Variants in ANK2 observed in about 807,000 individuals in gnomAD.
ANK2 encodes ankyrin-2.
Under a neutral mutation model 360.5 loss-of-function variants are expected in ANK2, and 83 were observed. That is an observed-to-expected ratio of 0.23 (90% CI 0.19 to 0.28). The LOEUF (loss-of-function observed/expected upper bound fraction) is 0.28. Among genes scored for constraint, ANK2 ranks in the 10% least tolerant of loss-of-function variants. The pLI, the probability that ANK2 is intolerant of heterozygous loss-of-function variation, is 1.00. For synonymous variants in ANK2, 1,740 were observed against 1,759.5 expected, an observed-to-expected ratio of 0.99 and a Z score of 0.28; for missense variants, 4,201 against 4,795.7, an observed-to-expected ratio of 0.88 and a Z score of 3.66.
At chr4:113,073,432 G>T (rs2078584019) in intron 1 of ANK2, among the ~76,000 whole-genome samples, 1 of 152,070 alleles carries the variant, frequency 6.6e-6, no homozygotes, top group African/African-American at 2.4e-5. Context: ...AGATGCACTG[G>T]GATTGTGCAG....
intron 2 of ANK2, among the ~76,000 whole-genome samples, chr4:113,181,658 G>A (rs1182026380): frequency 2.0e-5 from 3 of 152,124 alleles, no homozygotes; most frequent in African/African-American, 4.8e-5. Context: ...GGGATGGACA[G>A]AAGAAAACCT....
intron 23 of ANK2, 48 bp downstream of exon 23, chr4:113,302,887 A>G (rs1373149696): frequency 4.6e-6 from 7 of 1,513,112 alleles, no homozygotes; most frequent in African/African-American, 1.4e-5. Flanking sequence ...GTTCTTACAC[A>G]AGGGCAAATT....
At chr4:113,328,812 G>A (rs2091390864) in intron 26 of ANK2, among the ~76,000 whole-genome samples, 1 of 152,166 alleles carries the variant, frequency 6.6e-6, no homozygotes, top group Non-Finnish European at 1.5e-5. Flanking sequence ...CTGTTTAATA[G>A]CATGTTTAAT....
At chr4:113,046,230 G>A (rs975537362), upstream of ANK2, among the ~76,000 whole-genome samples, 3 of 152,010 alleles carry the variant, frequency 2.0e-5, no homozygotes, top group African/African-American at 4.8e-5. Flanking sequence ...CAATACTACC[G>A]GCACCTGTTT....
intron 1 of ANK2, among the ~76,000 whole-genome samples, chr4:112,862,407 TC>T (rs1262579521): frequency 2.0e-5 from 3 of 152,240 alleles, no homozygotes; most frequent in Non-Finnish European, 4.4e-5. Context: ...ATGTTAATCT[TC>T]TGTGTGAAGG....
At chr4:113,184,981 T>C (rs2098488379) in intron 2 of ANK2, among the ~76,000 whole-genome samples, 1 of 152,168 alleles carries the variant, frequency 6.6e-6, no homozygotes, top group South Asian at 2.1e-4. Flanking sequence ...CTGTGTTAAT[T>C]TGCTGGGAAT....
At chr4:112,760,476 C>G in the ANK2 span, among the ~76,000 whole-genome samples, 1 of 151,776 alleles carries the variant, frequency 6.6e-6, no homozygotes. Context: ...CGTGAGCCCC[C>G]GTGCCCAGCC....
chr4:113,079,747 C>T (rs1020714196), intron 1 of ANK2, among the ~76,000 whole-genome samples: 2 of 152,018 alleles, frequency 1.3e-5, no homozygotes, highest in East Asian at 1.9e-4. Context: ...TTCAATTGCA[C>T]GTGGGCTCTC....
intron 1 of ANK2, among the ~76,000 whole-genome samples, chr4:113,173,701 A>C (rs983094160): frequency 1.3e-5 from 2 of 152,172 alleles, no homozygotes; most frequent in African/African-American, 4.8e-5. Context: ...TGGGAAGATG[A>C]GAAACTTAAA....
At chr4:112,853,494 G>A (rs1394795863) in intron 1 of ANK2, among the ~76,000 whole-genome samples, 2 of 151,926 alleles carry the variant, frequency 1.3e-5, no homozygotes, top group African/African-American at 2.4e-5. Context: ...GAGTCACCAC[G>A]CTCAGCCTAA....
intron 16 of ANK2, 36 bp from the exon 17 acceptor site, chr4:113,278,423 AT>A (rs1186080902): frequency 5.6e-6 from 9 of 1,596,128 alleles, no homozygotes; most frequent in Non-Finnish European, 6.9e-6. Flanking sequence ...GCTAACCCTA[AT>A]TTATTAATGC....
chr4:112,725,794 T>C, the ANK2 span, among the ~76,000 whole-genome samples: 1 of 152,128 alleles, frequency 6.6e-6, no homozygotes, highest in Non-Finnish European at 1.5e-5. Flanking sequence ...GGGAAGTTGT[T>C]GTTTAATGGG....
chr4:113,247,143 T>C (rs76227899), intron 9 of ANK2, among the ~76,000 whole-genome samples: 3,732 of 148,178 alleles, frequency 0.025, 166 homozygotes, highest in African/African-American at 0.088. Context: ...TACATCCGTG[T>C]GATGAACTGA....
intron 2 of ANK2, among the ~76,000 whole-genome samples, chr4:112,986,273 A>G (rs74851031): frequency 0.021 from 3,199 of 152,126 alleles, 97 homozygotes; most frequent in African/African-American, 0.063. Context: ...TTCTGTACAT[A>G]TAAGTGCTTT....
chr4:112,951,197 C>A lies in ANK2; in HGVS notation c.21+46683C>A, dbSNP rs1581764776. The stretch of plus-strand genomic sequence containing the variant: ...TACAGAGATACATTTGGTTGTGTAA[C>A]AAAGTATTGTTTATGATAGGGAAAA... On this transcript the variant is annotated intron_variant, in intron 2 of 30. Transcript: ENST00000503271. Among the ~76,000 whole-genome samples the A allele has an allele frequency of 4.0e-5, 6 of 148,792 alleles. No individual in the cohort carries two copies. In the East Asian group the frequency reaches 1.2e-3, roughly 29 times the overall value.
intron 15 of ANK2, among the ~76,000 whole-genome samples, chr4:113,275,690 A>G (rs2059964492): frequency 6.6e-6 from 1 of 150,966 alleles, no homozygotes; most frequent in South Asian, 2.1e-4. Context: ...TGAACTCTGA[A>G]AAGTTGGAAG....
At position 113,255,633 on chromosome 4, in the gene ANK2, CA is replaced by C. The variant is rs578065648; in HGVS notation, c.991-101del. 499 of 1,192,568 alleles carry C rather than the reference CA, an allele frequency of 4.2e-4. 10 individuals carry two copies. The South Asian group carries it at 6.1e-3, about 15-fold the overall frequency. 73.9% of individuals were successfully genotyped at this position (1,192,568 alleles called of 1,614,324 possible). Reference sequence around the variant, plus strand: ...AAATGGAAATTATTTTTTCCCCTGCCACTAACTGTGTTAGAGATCAAGAATC... The same window carrying C: ...AAATGGAAATTATTTTTTCCCCTGCCCTAACTGTGTTAGAGATCAAGAATC... On this transcript the variant is annotated intron_variant, in intron 10 of 45. Coordinates refer to ENST00000357077, the MANE Select transcript of ANK2 (RefSeq NM_001148.6).
At chr4:113,022,753 T>C (rs958392823) in intron 2 of ANK2, among the ~76,000 whole-genome samples, 1 of 152,234 alleles carries the variant, frequency 6.6e-6, no homozygotes, top group Non-Finnish European at 1.5e-5. Context: ...GACTGGATGA[T>C]GCAATGATGA....
chr4:113,111,202 C>T (rs1228605384), intron 1 of ANK2, among the ~76,000 whole-genome samples: 2 of 152,044 alleles, frequency 1.3e-5, no homozygotes, highest in East Asian at 3.9e-4. Context: ...AGAAATCAAT[C>T]TTTTTCTTTT....
Sources: gnomAD v4.1 joint callset for allele counts (sites outside exome capture counted in the v4.1 genomes callset) on GRCh38, gnomAD v4.1.1 for gene constraint, MANE v1.5 for transcripts, NCBI Gene and HGNC (gene_info 2026-07-23, HGNC 2026-07-21) for gene names.